Variants in SCN10A observed in about 807,000 individuals in gnomAD.
The protein encoded by SCN10A is sodium voltage-gated channel alpha subunit 10.
In SCN10A, 162 loss-of-function variants were observed where a neutral mutation model predicts 170.7. The observed-to-expected ratio is 0.95, with a 90% CI of 0.84 to 1.08. The LOEUF (loss-of-function observed/expected upper bound fraction) is 1.08. SCN10A is among the 50% of genes least tolerant of loss of function. The pLI is 0.00. For missense variants in SCN10A, 2,527 were observed against 2,436.9 expected (o/e 1.04, Z -0.78); for synonymous variants, 985 against 904.6 (o/e 1.09, Z -1.59).
intron 15 of SCN10A, among the ~76,000 whole-genome samples, chr3:38,729,941 G>A (rs572457547): frequency 5.3e-5 from 8 of 152,280 alleles, no homozygotes; most frequent in East Asian, 3.9e-4. Context: ...GGGGGAGAGC[G>A]GGTCCACGTT....
At chr3:38,763,230 A>G (rs534320104) in intron 6 of SCN10A, among the ~76,000 whole-genome samples, 1 of 152,284 alleles carries the variant, frequency 6.6e-6, no homozygotes, top group South Asian at 2.1e-4. Context: ...CAGAAAGTGA[A>G]GACATGCCCC....
chr3:38,809,809 A>G (rs2064428113), intron 1 of SCN10A, among the ~76,000 whole-genome samples: 1 of 152,216 alleles, frequency 6.6e-6, no homozygotes, highest in African/African-American at 2.4e-5. Context: ...GCAACAAGGA[A>G]ATCATAATAA....
At chr3:38,787,931 C>T (rs1045677950) in intron 4 of SCN10A, among the ~76,000 whole-genome samples, 98 of 147,236 alleles carry the variant, frequency 6.7e-4, no homozygotes, top group African/African-American at 2.1e-3. Flanking sequence ...GTTTTCTGTT[C>T]TTGTGTTAGT....
At position 38,718,503 on chromosome 3, in the gene SCN10A, G is replaced by A. The variant is rs2063355117; in HGVS notation, c.3681+150C>T. ...TGGACTTTACCACTCATGGGTGTCA[G>A]GGCTATTCTCAGACTCCTCACTAAA... On this transcript the variant is annotated intron_variant, in intron 21 of 27. Coordinates refer to ENST00000449082, the MANE Select transcript of SCN10A (RefSeq NM_006514.4). The A allele has an allele frequency of 1.3e-5, 9 of 705,754 alleles. 1 individual carries two copies. The South Asian group carries it at 1.7e-4, about 13-fold the overall frequency. The allele number at this position is 705,754 out of a possible 1,614,324, so 43.7% of individuals were successfully genotyped here.
At chr3:38,795,161 T>C (rs9828268) in intron 1 of SCN10A, among the ~76,000 whole-genome samples, 4,715 of 152,120 alleles carry the variant, frequency 0.031, 190 homozygotes, top group East Asian at 0.13. Context: ...CTGTTCTCTA[T>C]TGGCTTTTAA....
rs112374164 is a variant in SCN10A at position 38,697,724 on chromosome 3, A to G, written c.5496T>C (p.Thr1832=). 342 of 1,614,156 alleles carry G rather than the reference A, an allele frequency of 2.1e-4. 1 individual carries two copies. In the African/African-American group the frequency reaches 4.0e-3, roughly 19 times the overall value. ...GTTCATAGGATGATTTTGAAAGATTAGTTGCCATAAACTTCTCCTCCATAT... is the reference window on the plus strand; with the variant it reads ...GTTCATAGGATGATTTTGAAAGATTGGTTGCCATAAACTTCTCCTCCATAT... The part of the protein sequence containing the change: ...KANMEEKFMA[T]NLSKSSYEPI... Residue 1832 remains threonine, a synonymous_variant, in exon 28 of 28, where the codon ACT becomes ACC. Coordinates refer to ENST00000449082, the MANE Select transcript of SCN10A (RefSeq NM_006514.4).
At chr3:38,759,143 T>C (rs926227700) in intron 8 of SCN10A, among the ~76,000 whole-genome samples, 1 of 152,062 alleles carries the variant, frequency 6.6e-6, no homozygotes, top group African/African-American at 2.4e-5. Flanking sequence ...TCATGCAGGC[T>C]CCACACAGGT....
At chr3:38,760,658 T>C (rs1177521246) in intron 8 of SCN10A, 23 bp downstream of exon 8, 1 of 1,599,680 alleles carries the variant, frequency 6.3e-7, no homozygotes, top group Non-Finnish European at 8.6e-7. Flanking sequence ...GCACTCGTGC[T>C]TTGTCATAAG....
At chr3:38,707,963 C>T (rs1180623990) in intron 25 of SCN10A, among the ~76,000 whole-genome samples, 5 of 152,166 alleles carry the variant, frequency 3.3e-5, no homozygotes, top group African/African-American at 4.8e-5. Context: ...ACTGCACCAA[C>T]GAAGATGTTT....
chr3:38,752,253 G>A lies in SCN10A; in HGVS notation c.1721C>T (p.Thr574Ile), dbSNP rs1380478295. 6.4e-7 allele frequency: 1 copy of A among 1,565,920 alleles called. No homozygotes were observed. Among genetic ancestry groups the A allele is most frequent in the Non-Finnish European group, 8.7e-7 (1 of 1,154,858 alleles). The change falls in exon 12 of 28, where the codon ACT becomes ATT. Residue 574 changes from threonine to isoleucine, a missense_variant. Physicochemically the swap from Thr to Ile is moderately conservative, Grantham distance 89 (BLOSUM62 -1). Coordinates refer to ENST00000449082, the MANE Select transcript of SCN10A (RefSeq NM_006514.4). ...GACAGCTCCAGGGGCAAGCTCACTAGTGGGCGGCGGTTGGTGTTCATCTTC... is the reference window on the plus strand; with the variant it reads ...GACAGCTCCAGGGGCAAGCTCACTAATGGGCGGCGGTTGGTGTTCATCTTC... ...HGEDEHQPPP[T>I]SELAPGAVDV...
intron 4 of SCN10A, among the ~76,000 whole-genome samples, chr3:38,788,126 A>G (rs1023291525): frequency 6.6e-6 from 1 of 151,780 alleles, no homozygotes; most frequent in African/African-American, 2.4e-5. Context: ...TTTAGCATCA[A>G]TTAAGAAGAC....
intron 1 of SCN10A, among the ~76,000 whole-genome samples, chr3:38,807,103 C>T (rs183202268): frequency 6.6e-6 from 1 of 152,150 alleles, no homozygotes; most frequent in African/African-American, 2.4e-5. Context: ...TGAGTTCTTA[C>T]AGTTTTTAAA....
intron 26 of SCN10A, 57 bp from the exon 27 acceptor site, chr3:38,702,166 CTG>C: frequency 6.7e-7 from 1 of 1,499,116 alleles, no homozygotes. Context: ...AACCAGGCAT[CTG>C]TGTTATCTGT....
At chr3:38,779,585 G>T (rs72867855) in intron 4 of SCN10A, among the ~76,000 whole-genome samples, 1,759 of 151,310 alleles carry the variant, frequency 0.012, 32 homozygotes, top group African/African-American at 0.04. Flanking sequence ...TTCTAGTTTT[G>T]TTAGGTCTTT....
Position 38,714,097 on chromosome 3 carries a change from G to A in SCN10A, c.3682-17C>T. The A allele has an allele frequency of 3.7e-6, 6 of 1,613,482 alleles. No individual in the cohort carries two copies. The highest frequency in any genetic ancestry group is 4.2e-6 in the Non-Finnish European group (5 of 1,179,554). ...CAGTGAGATCTGAGTGCAGGAGAGG[G>A]CAGAAACATCACTCTAGGTTTCCAG... On this transcript the variant is annotated splice_polypyrimidine_tract_variant and intron_variant, in intron 21 of 27. Transcript: ENST00000449082.
chr3:38,768,042 AT>A (rs2063952932), intron 5 of SCN10A, among the ~76,000 whole-genome samples: 1 of 151,904 alleles, frequency 6.6e-6, no homozygotes, highest in African/African-American at 2.4e-5. Context: ...GTTTTCTCTG[AT>A]ATAAGAATAG....
intron 26 of SCN10A, among the ~76,000 whole-genome samples, chr3:38,706,117 G>A (rs553928700): frequency 3.3e-5 from 5 of 152,266 alleles, no homozygotes; most frequent in African/African-American, 9.6e-5. Context: ...CTTCTTATCA[G>A]AATCTAGACT....
chr3:38,761,774 G>C (rs1285005893), intron 6 of SCN10A, among the ~76,000 whole-genome samples: 1 of 151,952 alleles, frequency 6.6e-6, no homozygotes, highest in Non-Finnish European at 1.5e-5. Context: ...GCATCTGGGA[G>C]GCAGCTTGAG....
At chr3:38,806,015 A>C (rs944658629) in intron 1 of SCN10A, among the ~76,000 whole-genome samples, 2 of 152,170 alleles carry the variant, frequency 1.3e-5, no homozygotes, top group Non-Finnish European at 2.9e-5. Flanking sequence ...GTGGTACTGA[A>C]CAAGAGAGGA....
Sources: gnomAD v4.1 joint callset for allele counts (sites outside exome capture counted in the v4.1 genomes callset) on GRCh38, gnomAD v4.1.1 for gene constraint, MANE v1.5 for transcripts, NCBI Gene and HGNC (gene_info 2026-07-23, HGNC 2026-07-21) for gene names.